The following PRKCE variants were observed in gnomAD, a reference collection of about 807,000 sequenced individuals.
PRKCE encodes protein kinase C epsilon type.
In PRKCE, 16 loss-of-function variants were observed where a neutral mutation model predicts 85.4. The ratio of observed to expected loss-of-function variants is 0.19; its 90% confidence interval spans 0.13 to 0.28. PRKCE has a LOEUF of 0.28. Among genes scored for constraint, PRKCE ranks in the 10% least tolerant of loss-of-function variants. The pLI, the probability that PRKCE is intolerant of heterozygous loss-of-function variation, is 1.00. For synonymous variants in PRKCE, 388 were observed against 371.5 expected, an observed-to-expected ratio of 1.04 and a Z score of -0.51; for missense variants, 573 against 975.2, an observed-to-expected ratio of 0.59 and a Z score of 5.49.
Position 46,155,212 on chromosome 2 carries a change from G to A in PRKCE, c.1920+3983G>A, listed in dbSNP as rs927894966. On this transcript the variant is annotated intron_variant, in intron 13 of 14. Transcript: ENST00000306156. This position sits in a 1 kb window ranked among gnomAD's most constrained non-coding sequence, Gnocchi z 4.7. The stretch of plus-strand genomic sequence containing the variant: ...ATCCAGATTTTTATGTAAAAATCTC[G>A]AAACATTAAATGATTATAACTAGTT... 3.3e-5 allele frequency among the ~76,000 whole-genome samples: 5 copies of A among 152,194 alleles called. No individual in the cohort carries two copies. In the South Asian group the frequency reaches 6.2e-4, roughly 19 times the overall value.
At chr2:46,091,075 G>A (rs1670119146) in intron 11 of PRKCE, among the ~76,000 whole-genome samples, 1 of 152,072 alleles carries the variant, frequency 6.6e-6, no homozygotes, top group Non-Finnish European at 1.5e-5. Flanking sequence ...CTTTTCCTCT[G>A]GTTTCTTTTC....
At chr2:45,781,167 C>G (rs1686154520) in intron 1 of PRKCE, among the ~76,000 whole-genome samples, 1 of 148,462 alleles carries the variant, frequency 6.7e-6, no homozygotes, top group Non-Finnish European at 1.5e-5. Flanking sequence ...ACCCCCCCAT[C>G]TCTACAAAAT....
chr2:46,108,195 G>T (rs1013092667), intron 11 of PRKCE, among the ~76,000 whole-genome samples: 1 of 152,164 alleles, frequency 6.6e-6, no homozygotes, highest in African/African-American at 2.4e-5. Flanking sequence ...ATAGGTGTGA[G>T]CCTCCATGCC....
chr2:45,682,658 C>G (rs911312431), intron 1 of PRKCE, among the ~76,000 whole-genome samples: 16 of 152,230 alleles, frequency 1.1e-4, no homozygotes, highest in Admixed American at 7.2e-4. Context: ...GCGATCTCCA[C>G]TCACTGTAAC....
intron 1 of PRKCE, among the ~76,000 whole-genome samples, chr2:45,744,415 TTCTTTCTTTCTTTC>T (rs1682866854): frequency 9.8e-5 from 1 of 10,236 alleles, no homozygotes; most frequent in Non-Finnish European, 2.9e-4. Flanking sequence ...TTCTTTTCTT[TTCTTTCTTTCTTTC>T]TTTCTTTCTT....
chr2:45,732,739 G>A (rs981112590), intron 1 of PRKCE, among the ~76,000 whole-genome samples: 1 of 152,040 alleles, frequency 6.6e-6, no homozygotes, highest in Non-Finnish European at 1.5e-5. Context: ...TTTCCTATTT[G>A]TTTATCTGTC....
Position 45,854,668 on chromosome 2 carries a change from T to G in PRKCE, c.412+11605T>G, listed in dbSNP as rs376934900. Among the ~76,000 whole-genome samples, 159 of 152,306 alleles carry G rather than the reference T, an allele frequency of 1.0e-3. 6 individuals are homozygous for G. In the South Asian group the frequency reaches 0.032, roughly 31 times the overall value. On this transcript the variant is annotated intron_variant, in intron 2 of 14. Coordinates refer to ENST00000306156, the MANE Select transcript of PRKCE (RefSeq NM_005400.3). ...TTTTGAATTCTCAGATTGAAGACTTTCCGAATACGGGCGTGAGTCCATGAG... is the reference window on the plus strand; with the variant it reads ...TTTTGAATTCTCAGATTGAAGACTTGCCGAATACGGGCGTGAGTCCATGAG...
In PRKCE at chr2:46,138,893, C is replaced by T. The variant is rs1469010029; in HGVS notation, c.1593-6200C>T. ...GTCCCAGCATGCCAAGGTTAAGACA[C>T]ACTGGACTCAAGGGAAGCTGAAGAG... is the stretch of plus-strand genomic sequence containing the variant. On this transcript the variant is annotated intron_variant, in intron 11 of 14. Transcript: ENST00000306156. This position sits in a 1 kb window ranked among gnomAD's most constrained non-coding sequence, Gnocchi z 4.2. 6.6e-6 allele frequency among the ~76,000 whole-genome samples: 1 copy of T among 152,174 alleles called. No homozygotes were observed. The highest frequency in any genetic ancestry group is 2.1e-4 in the South Asian group (1 of 4,830).
At chr2:45,706,502 T>A (rs1679126975) in intron 1 of PRKCE, among the ~76,000 whole-genome samples, 1 of 152,236 alleles carries the variant, frequency 6.6e-6, no homozygotes, top group Admixed American at 6.5e-5. Flanking sequence ...CAGTCTTGAC[T>A]GAGAGGTGTC....
chr2:46,133,226 T>C (rs1231937383), intron 11 of PRKCE, among the ~76,000 whole-genome samples: 1 of 152,176 alleles, frequency 6.6e-6, no homozygotes, highest in Non-Finnish European at 1.5e-5. Flanking sequence ...TTACTCTTGG[T>C]CCTTTAGCTG....
intron 10 of PRKCE, among the ~76,000 whole-genome samples, chr2:46,050,535 C>T (rs886805131): frequency 2.0e-5 from 3 of 152,228 alleles, no homozygotes; most frequent in Non-Finnish European, 4.4e-5. Context: ...CTCCTTGTCC[C>T]TCCCTTGTGA....
intron 10 of PRKCE, among the ~76,000 whole-genome samples, chr2:46,085,736 G>GTTTTTTTTTTTGTT (rs1669546446): frequency 1.9e-5 from 2 of 104,564 alleles, no homozygotes; most frequent in African/African-American, 4.4e-5. Context: ...TGCAAAATCC[G>GTTTTTTTTTTTGTT]TTTTTTTTTT....
intron 1 of PRKCE, among the ~76,000 whole-genome samples, chr2:45,764,489 A>G (rs959252226): frequency 6.6e-6 from 1 of 152,232 alleles, no homozygotes; most frequent in Non-Finnish European, 1.5e-5. Context: ...TTCAGTTTTT[A>G]GACATGACCC....
At chr2:46,043,976 G>T (rs116176430) in intron 10 of PRKCE, among the ~76,000 whole-genome samples, 1 of 152,206 alleles carries the variant, frequency 6.6e-6, no homozygotes, top group African/African-American at 2.4e-5. Flanking sequence ...ACTGGCTGGG[G>T]TGTCCTGAGC....
intron 1 of PRKCE, among the ~76,000 whole-genome samples, chr2:45,689,267 C>G (rs1185152909): frequency 1.3e-5 from 2 of 152,138 alleles, no homozygotes; most frequent in Admixed American, 6.5e-5. Flanking sequence ...AACAGTGATG[C>G]CTTATTTAAC....
rs1331861644 is a variant in PRKCE at position 45,786,597 on chromosome 2, C to T, written c.349-56403C>T. On this transcript the variant is annotated intron_variant, in intron 1 of 14. Transcript: ENST00000306156. The surrounding 1 kb of genome is among the most constrained non-coding windows in gnomAD (Gnocchi z 5.3). ...GGCCTTAGGGGCCTTCAGACCTTGG[C>T]ACTGGAGGTTCAACTGGGAAGACAG... Among the ~76,000 whole-genome samples the T allele has an allele frequency of 6.6e-6, 1 of 152,200 alleles. No individual in the cohort carries two copies. The highest frequency in any genetic ancestry group is 1.5e-5 in the Non-Finnish European group (1 of 68,044).
intron 2 of PRKCE, among the ~76,000 whole-genome samples, chr2:45,880,427 T>C (rs1317787287): frequency 1.3e-5 from 2 of 152,210 alleles, no homozygotes; most frequent in East Asian, 3.8e-4. Flanking sequence ...GCTCTATTTG[T>C]AGTGTGAGGA....
chr2:46,027,138 C>A (rs1707174534), intron 10 of PRKCE, among the ~76,000 whole-genome samples: 1 of 152,082 alleles, frequency 6.6e-6, no homozygotes, highest in East Asian at 1.9e-4. Context: ...CACTGTACTC[C>A]AGCCTGAGCA....
intron 2 of PRKCE, among the ~76,000 whole-genome samples, chr2:45,934,072 C>T (rs1558853260): frequency 2.0e-5 from 3 of 152,174 alleles, no homozygotes; most frequent in Admixed American, 6.5e-5. Context: ...CTGACCTCTG[C>T]TGTCACCGAC....
Sources: gnomAD v4.1 joint callset for allele counts (sites outside exome capture counted in the v4.1 genomes callset) on GRCh38, gnomAD v4.1.1 for gene constraint, Gnocchi (gnomAD v3.1) non-coding constraint, MANE v1.5 for transcripts, NCBI Gene and HGNC (gene_info 2026-07-23, HGNC 2026-07-21) for gene names.